The following CRYBG1 variants were observed in gnomAD, a reference collection of about 807,000 sequenced individuals.
CRYBG1 encodes the protein beta/gamma crystallin domain-containing protein 1.
Under a neutral mutation model 189.2 loss-of-function variants are expected in CRYBG1, and 139 were observed. The ratio of observed to expected loss-of-function variants is 0.73; its 90% CI spans 0.64 to 0.85. CRYBG1 has a LOEUF of 0.85. CRYBG1 is among the 40% of genes least tolerant of loss of function. CRYBG1 has a pLI of 0.00. For synonymous variants in CRYBG1, 1,023 were observed against 1,017.1 expected, an observed-to-expected ratio of 1.01 and a Z score of -0.11; for missense variants, 2,611 against 2,675.8, an observed-to-expected ratio of 0.98 and a Z score of 0.53.
At chr6:106,556,084 G>A (rs1305028287) in intron 17 of CRYBG1, among the ~76,000 whole-genome samples, 187 bp downstream of exon 17, 1 of 152,130 alleles carries the variant, frequency 6.6e-6, no homozygotes, top group Non-Finnish European at 1.5e-5. Flanking sequence ...CCACCACCCT[G>A]TTTTACTCAC....
At chr6:106,455,846 T>C (rs569611728) in intron 2 of CRYBG1, among the ~76,000 whole-genome samples, 186 of 152,302 alleles carry the variant, frequency 1.2e-3, no homozygotes, top group African/African-American at 4.3e-3. Context: ...TACTAGTGCA[T>C]GTGTGTGCAT....
chr6:106,380,748 A>G (rs1205534276), intron 1 of CRYBG1, among the ~76,000 whole-genome samples: 1 of 152,180 alleles, frequency 6.6e-6, no homozygotes. Context: ...TTCTGGTCTT[A>G]AAGTCTCTGA....
chr6:106,419,283 A>G (rs1306278267), intron 1 of CRYBG1, among the ~76,000 whole-genome samples: 3 of 152,270 alleles, frequency 2.0e-5, no homozygotes, highest in Non-Finnish European at 4.4e-5. Flanking sequence ...AACCTTACCA[A>G]GGACTTTCGT....
At chr6:106,513,916 GA>G (rs1201156821) in intron 3 of CRYBG1, among the ~76,000 whole-genome samples, 1 of 152,192 alleles carries the variant, frequency 6.6e-6, no homozygotes, top group Non-Finnish European at 1.5e-5. Flanking sequence ...TTCTGTGCAA[GA>G]TATTGTGCTA....
At chr6:106,525,571 T>C (rs1773720705) in intron 6 of CRYBG1, among the ~76,000 whole-genome samples, 185 bp downstream of exon 6, 2 of 152,364 alleles carry the variant, frequency 1.3e-5, no homozygotes, top group South Asian at 4.1e-4. Context: ...TTTCTGATTA[T>C]AGCAGTGATA....
intron 2 of CRYBG1, among the ~76,000 whole-genome samples, chr6:106,495,587 G>A (rs867872376): frequency 1.3e-5 from 2 of 150,538 alleles, no homozygotes; most frequent in Admixed American, 6.6e-5. Context: ...TAGTGGGGGG[G>A]CTGAGTACCC....
intron 2 of CRYBG1, among the ~76,000 whole-genome samples, chr6:106,479,492 T>G (rs1772400299): frequency 6.6e-6 from 1 of 152,220 alleles, no homozygotes; most frequent in South Asian, 2.1e-4. Context: ...TTTAACATTT[T>G]GAGAAATGGC....
In CRYBG1 at chr6:106,512,321, G is replaced by A; in HGVS notation, c.1204G>A (p.Asp402Asn). 1 of 1,607,094 alleles carries A rather than the reference G, an allele frequency of 6.2e-7. No individual in the cohort carries two copies. The highest frequency in any genetic ancestry group is 1.3e-5 in the African/African-American group (1 of 75,034). Residue 402 changes from aspartate to asparagine, a missense_variant, in exon 3 of 22, where the codon GAT becomes AAT. Transcript: ENST00000633556. ...GGTCGTGATTACTCCCAGAGCGGAA[G>A]ATTGCGGTGACTGGGACGACATGGA... ...EPVVITPRAEDCGDWDDMEKR... is the reference protein window; with the variant it reads ...EPVVITPRAENCGDWDDMEKR...
rs372779090 is a variant in CRYBG1 at position 106,521,244 on chromosome 6, C to T, written c.4036C>T (p.Arg1346Ter). The T allele has an allele frequency of 4.3e-6, 7 of 1,613,978 alleles. No individual in the cohort carries two copies. The highest frequency in any genetic ancestry group is 2.2e-5 in the East Asian group (1 of 44,888). Residue 1346 changes from arginine to a stop codon, truncating the protein, a stop_gained, in exon 4 of 22, where the codon CGA becomes TGA. Coordinates refer to ENST00000633556, the MANE Select transcript of CRYBG1 (RefSeq NM_001371242.2). LOFTEE classifies it high-confidence loss of function. ...GAAAACCAAAGAAGATCTGGATTCA[C>T]GAAGCAACCTACACTTGCCAGAAAC... ...KEKTKEDLDSRSNLHLPETKF... is the reference protein window; with the variant it reads ...KEKTKEDLDS
chr6:106,482,511 C>G (rs781631562), intron 2 of CRYBG1, among the ~76,000 whole-genome samples: 1 of 152,150 alleles, frequency 6.6e-6, no homozygotes, highest in East Asian at 1.9e-4. Flanking sequence ...CATGGTGGCT[C>G]ACGCCTATAA....
chr6:106,421,765 G>T (rs1771127488), intron 1 of CRYBG1, among the ~76,000 whole-genome samples: 1 of 152,086 alleles, frequency 6.6e-6, no homozygotes, highest in Admixed American at 6.5e-5. Flanking sequence ...CCTGAGACTG[G>T]GCAATTTACA....
chr6:106,453,240 G>T lies in CRYBG1; in HGVS notation c.312+1408G>T, dbSNP rs181738075. On this transcript the variant is annotated intron_variant, in intron 2 of 21. Transcript: ENST00000633556. The stretch of plus-strand genomic sequence containing the variant: ...ACTTAGTGATGAAAAGCAGTAAAAA[G>T]GACATGAAGAGATTATTAGCTTATA... 2.0e-5 allele frequency among the ~76,000 whole-genome samples: 3 copies of T among 152,214 alleles called. No homozygotes were observed. In the East Asian group the frequency reaches 5.8e-4, roughly 29 times the overall value.
chr6:106,523,920 C>T lies in CRYBG1; in HGVS notation c.4246-1213C>T, dbSNP rs866665927. ...CTAATTTATGTATTTTTAGTAGAGA[C>T]GGGGTTTTGCCATGTTGGCCAGGCT... On this transcript the variant is annotated intron_variant, in intron 4 of 21. Transcript: ENST00000633556. Among the ~76,000 whole-genome samples, 20 of 152,070 alleles carry T rather than the reference C, an allele frequency of 1.3e-4. No individual in the cohort carries two copies. In the South Asian group the frequency reaches 2.3e-3, roughly 17 times the overall value.
chr6:106,370,814 A>G (rs768110397), intron 1 of CRYBG1, among the ~76,000 whole-genome samples: 5 of 152,090 alleles, frequency 3.3e-5, no homozygotes, highest in Non-Finnish European at 5.9e-5. Context: ...CAGGAGCCCA[A>G]CTGACTCATC....
chr6:106,538,717 A>AC (rs1774059397), intron 8 of CRYBG1, among the ~76,000 whole-genome samples: 1 of 151,330 alleles, frequency 6.6e-6, no homozygotes, highest in Non-Finnish European at 1.5e-5. Flanking sequence ...ATATGGTGAG[A>AC]CCCCCTCTAC....
At chr6:106,387,283 C>T (rs112977119) in intron 1 of CRYBG1, among the ~76,000 whole-genome samples, 3,712 of 147,684 alleles carry the variant, frequency 0.025, 139 homozygotes, top group African/African-American at 0.093. Context: ...AATCTTTGAA[C>T]TCTGAATGGA....
chr6:106,543,017 A>C (rs187553039), intron 10 of CRYBG1, among the ~76,000 whole-genome samples: 1 of 147,768 alleles, frequency 6.8e-6, no homozygotes, highest in Admixed American at 6.8e-5. Context: ...ATTTTAATTA[A>C]ATTTAATTTT....
intron 1 of CRYBG1, among the ~76,000 whole-genome samples, chr6:106,392,371 G>A (rs1397087464): frequency 1.3e-5 from 2 of 152,132 alleles, no homozygotes; most frequent in Non-Finnish European, 2.9e-5. Flanking sequence ...TATCTCTTCA[G>A]TGTCTGATTT....
chr6:106,420,762 T>A (rs918118705), intron 1 of CRYBG1: 1 of 153,126 alleles, frequency 6.5e-6, no homozygotes, highest in African/African-American at 2.4e-5. Context: ...GTTACAGATT[T>A]CATTGTTCCT....
Sources: allele counts gnomAD v4.1 joint callset (sites outside exome capture counted in the v4.1 genomes callset), GRCh38; gene constraint gnomAD v4.1.1; transcripts MANE v1.5; gene names NCBI Gene and HGNC (gene_info 2026-07-23, HGNC 2026-07-21).